Variants in CLMN observed in about 807,000 individuals in gnomAD.
CLMN encodes the protein calmin (calponin-like, transmembrane).
Under a neutral mutation model 92.7 loss-of-function variants are expected in CLMN, and 57 were observed. The observed-to-expected ratio is 0.61, with a 90% confidence interval of 0.50 to 0.77. CLMN has a LOEUF of 0.77. Ranked by LOEUF, CLMN falls within the 30% of genes least tolerant of loss-of-function variation. The pLI is 0.00. For missense variants in CLMN, 1,158 were observed against 1,237.5 expected (o/e 0.94, Z 0.96); for synonymous variants, 466 against 470.6 (o/e 0.99, Z 0.13).
chr14:95,313,319 C>T (rs1435473936), intron 1 of CLMN, among the ~76,000 whole-genome samples: 4 of 152,244 alleles, frequency 2.6e-5, no homozygotes, highest in African/African-American at 9.6e-5. Flanking sequence ...CTACACTGGG[C>T]TGGATGATAC....
intron 1 of CLMN, among the ~76,000 whole-genome samples, chr14:95,245,213 T>TATATATATATTAC (rs1898456900): frequency 6.3e-5 from 2 of 31,762 alleles, no homozygotes; most frequent in African/African-American, 1.9e-4. Flanking sequence ...ATATATTATA[T>TATATATATATTAC]ATATATATAT....
At chr14:95,235,476 A>G (rs1044853268) in intron 1 of CLMN, among the ~76,000 whole-genome samples, 2 of 152,192 alleles carry the variant, frequency 1.3e-5, no homozygotes, top group African/African-American at 2.4e-5. Context: ...GGCAGTCTAG[A>G]GCCAGACACA....
At chr14:95,234,165 G>C (rs1897976086) in intron 1 of CLMN, among the ~76,000 whole-genome samples, 3 of 152,186 alleles carry the variant, frequency 2.0e-5, no homozygotes. Context: ...CCCCTCCACA[G>C]AATGAGGTTG....
At chr14:95,199,674 G>C (rs1346853463) in intron 9 of CLMN, among the ~76,000 whole-genome samples, 1 of 152,222 alleles carries the variant, frequency 6.6e-6, no homozygotes, top group Admixed American at 6.5e-5. Context: ...CACTCAAGGA[G>C]AGATTGTCAA....
chr14:95,243,403 T>C (rs887880655), intron 1 of CLMN, among the ~76,000 whole-genome samples: 1 of 152,194 alleles, frequency 6.6e-6, no homozygotes, highest in African/African-American at 2.4e-5. Context: ...CAGGGAGCCC[T>C]ACTTGAATTT....
intron 1 of CLMN, among the ~76,000 whole-genome samples, chr14:95,286,795 A>G (rs1167274998): frequency 6.6e-6 from 1 of 152,210 alleles, no homozygotes; most frequent in African/African-American, 2.4e-5. Flanking sequence ...GGCCCTGAAG[A>G]GAGAGCACGT....
chr14:95,293,133 CTCCT>C (rs1322578535), intron 1 of CLMN, among the ~76,000 whole-genome samples: 1 of 123,692 alleles, frequency 8.1e-6, no homozygotes, highest in East Asian at 2.4e-4. Context: ...CCTTCCCTCC[CTCCT>C]TCCCTCCCTT....
chr14:95,304,019 T>G (rs1362975912), intron 1 of CLMN, among the ~76,000 whole-genome samples: 1 of 152,166 alleles, frequency 6.6e-6, no homozygotes, highest in African/African-American at 2.4e-5. Context: ...GGACCAGTGG[T>G]CACGGATTTG....
At chr14:95,290,177 G>T (rs1900508334) in intron 1 of CLMN, among the ~76,000 whole-genome samples, 2 of 152,244 alleles carry the variant, frequency 1.3e-5, no homozygotes, top group South Asian at 4.1e-4. Flanking sequence ...CCACTCAGGT[G>T]CAATGGGTCC....
intron 1 of CLMN, among the ~76,000 whole-genome samples, chr14:95,315,769 T>G (rs1038587228): frequency 1.3e-5 from 2 of 152,202 alleles, no homozygotes; most frequent in African/African-American, 4.8e-5. Flanking sequence ...AGAACTGACC[T>G]CTGCACCGCT....
At chr14:95,279,467 G>A (rs1015778910) in intron 1 of CLMN, among the ~76,000 whole-genome samples, 3 of 152,130 alleles carry the variant, frequency 2.0e-5, no homozygotes, top group African/African-American at 7.2e-5. Flanking sequence ...TGGTGTCCTA[G>A]GCTCCACACC....
At chr14:95,313,628 C>T (rs1186396386) in intron 1 of CLMN, among the ~76,000 whole-genome samples, 1 of 148,572 alleles carries the variant, frequency 6.7e-6, no homozygotes, top group East Asian at 2.1e-4. Context: ...ACGCAATCTA[C>T]CACTGTTTAA....
chr14:95,245,210 A>ATATATATATATATAT (rs1566890940), intron 1 of CLMN, among the ~76,000 whole-genome samples: 3 of 24,174 alleles, frequency 1.2e-4, no homozygotes, highest in Admixed American at 7.4e-4. Flanking sequence ...TATATATATT[A>ATATATATATATATAT]TATATATATA....
At chr14:95,228,822 G>A (rs1447405669) in intron 2 of CLMN, among the ~76,000 whole-genome samples, 4 of 152,132 alleles carry the variant, frequency 2.6e-5, no homozygotes, top group African/African-American at 7.2e-5. Context: ...CTACGGGCAT[G>A]AGCCACCACG....
chr14:95,300,365 AAAG>A (rs1900994727), intron 1 of CLMN, among the ~76,000 whole-genome samples: 1 of 152,226 alleles, frequency 6.6e-6, no homozygotes, highest in South Asian at 2.1e-4. Context: ...GCCTGTTTTA[AAAG>A]AAGCAAATCA....
intron 1 of CLMN, among the ~76,000 whole-genome samples, chr14:95,301,161 T>C (rs1221875745): frequency 1.3e-5 from 2 of 152,196 alleles, no homozygotes; most frequent in Non-Finnish European, 1.5e-5. Flanking sequence ...ACATCAACTA[T>C]TGATTTTCCA....
intron 1 of CLMN, among the ~76,000 whole-genome samples, chr14:95,271,863 T>C (rs941856970): frequency 6.6e-6 from 1 of 152,240 alleles, no homozygotes; most frequent in African/African-American, 2.4e-5. Flanking sequence ...ACTTCTATCA[T>C]CATAGATTAA....
intron 1 of CLMN, among the ~76,000 whole-genome samples, chr14:95,232,546 C>T (rs1016170288): frequency 5.9e-5 from 9 of 152,212 alleles, no homozygotes; most frequent in African/African-American, 2.2e-4. Flanking sequence ...TACATCACTG[C>T]TTTTCTCTCA....
At chr14:95,302,204 G>A (rs532549156) in intron 1 of CLMN, among the ~76,000 whole-genome samples, 2 of 152,184 alleles carry the variant, frequency 1.3e-5, no homozygotes, top group African/African-American at 2.4e-5. Flanking sequence ...GGAGGCTGAG[G>A]CAGGAGAATC....
Sources: allele counts gnomAD v4.1 joint callset (sites outside exome capture counted in the v4.1 genomes callset), GRCh38; gene constraint gnomAD v4.1.1; transcripts MANE v1.5; gene names NCBI Gene and HGNC (gene_info 2026-07-23, HGNC 2026-07-21).